ZNF251: variants seen among roughly 807,000 people sequenced by gnomAD.
ZNF251 encodes zinc finger protein 251.
A neutral mutation model predicts 13.5 loss-of-function variants in ZNF251; 14 were observed. That is an observed-to-expected ratio of 1.04 (90% confidence interval 0.69 to 1.63). ZNF251 has a LOEUF of 1.63. ZNF251 is among the 40% of genes most tolerant of loss of function. The pLI is 0.00. For missense variants in ZNF251, 764 were observed against 834.9 expected (o/e 0.92, Z 1.05); for synonymous variants, 287 against 295.2 (o/e 0.97, Z 0.28).
At chr8:144,737,239 AG>A (rs1231566301) in intron 4 of ZNF251, among the ~76,000 whole-genome samples, 5 of 151,566 alleles carry the variant, frequency 3.3e-5, no homozygotes, top group Admixed American at 3.3e-4. Flanking sequence ...CTAGGATTAC[AG>A]GTGCTCACTA....
chr8:144,729,733 C>T (rs1586683917), intron 4 of ZNF251, among the ~76,000 whole-genome samples: 3 of 152,086 alleles, frequency 2.0e-5, no homozygotes, highest in Non-Finnish European at 2.9e-5. Flanking sequence ...TGGTGGCTCG[C>T]GCCTGTGATC....
In ZNF251 at chr8:144,734,195, G is replaced by C. The variant is rs1162587675; in HGVS notation, c.278-10813C>G. On this transcript the variant is annotated intron_variant, in intron 4 of 4. Coordinates refer to ENST00000292562, the MANE Select transcript of ZNF251 (RefSeq NM_138367.2). The surrounding 1 kb of genome is among the most constrained non-coding windows in gnomAD (Gnocchi z 4.4). ...CTTTGTCCCAGCGCTGAGCCGAGCG[G>C]AGCTCCTGGCTGTAAGGACACCTCC... Among the ~76,000 whole-genome samples the C allele has an allele frequency of 6.6e-6, 1 of 152,208 alleles. No homozygotes were observed. The highest frequency in any genetic ancestry group is 2.4e-5 in the African/African-American group (1 of 41,452).
chr8:144,752,445 T>C (rs1230632124), intron 4 of ZNF251, among the ~76,000 whole-genome samples: 1 of 152,114 alleles, frequency 6.6e-6, no homozygotes, highest in East Asian at 1.9e-4. Context: ...AATCATTGGG[T>C]CAAAGAAGAA....
At chr8:144,740,157 T>C (rs1219302496) in intron 4 of ZNF251, among the ~76,000 whole-genome samples, 10 of 150,402 alleles carry the variant, frequency 6.6e-5, no homozygotes, top group African/African-American at 2.4e-4. Context: ...TGGTGGTGCA[T>C]GCCTGTAATC....
Position 144,721,919 on chromosome 8 carries a change from G to T in ZNF251, c.1741C>A (p.Pro581Thr), listed in dbSNP as rs751913241. Residue 581 changes from proline to threonine, a missense_variant, in exon 5 of 5, where the codon CCC becomes ACC. Coordinates refer to ENST00000292562, the MANE Select transcript of ZNF251 (RefSeq NM_138367.2). ...GCATGCATTATCTGATCTTCAGTGG[G>T]TCGTGAGGTGGGACTGAAAGCTTTT... ...YGKAFSPTSR[P>T]TEDQIMHAGE... 3.3e-6 allele frequency: 5 copies of T among 1,513,800 alleles called. No homozygotes were observed. In the Admixed American group the frequency reaches 1.1e-4, roughly 34 times the overall value. 93.8% of individuals were successfully genotyped at this position (1,513,800 alleles called of 1,614,324 possible).
chr8:144,737,635 A>T (rs907258596), intron 4 of ZNF251, among the ~76,000 whole-genome samples: 1 of 152,066 alleles, frequency 6.6e-6, no homozygotes, highest in East Asian at 2.0e-4. Context: ...GATCGAGACC[A>T]TCCTGGCTAA....
intron 4 of ZNF251, among the ~76,000 whole-genome samples, chr8:144,732,335 T>C (rs1823722094): frequency 6.6e-6 from 1 of 152,180 alleles, no homozygotes; most frequent in African/African-American, 2.4e-5. Context: ...GCATGATAAA[T>C]GTTAACACAG....
In ZNF251 at chr8:144,751,998, G is replaced by A. The variant is rs566927034; in HGVS notation, c.277+1685C>T. Among the ~76,000 whole-genome samples, 5 of 152,206 alleles carry A rather than the reference G, an allele frequency of 3.3e-5. No homozygotes were observed. The East Asian group carries it at 9.6e-4, about 29-fold the overall frequency. The stretch of plus-strand genomic sequence containing the variant: ...TTATCTCTCATAATGATAGTCATAA[G>A]TGAAGTAAGTCTTATAATACAGCTT... On this transcript the variant is annotated intron_variant, in intron 4 of 4. Transcript: ENST00000292562.
At chr8:144,732,272 G>C (rs967566426) in intron 4 of ZNF251, among the ~76,000 whole-genome samples, 3 of 152,236 alleles carry the variant, frequency 2.0e-5, no homozygotes, top group Non-Finnish European at 2.9e-5. Flanking sequence ...CAAAAACAAA[G>C]TACATGATGG....
At chr8:144,737,322 T>A (rs990351771) in intron 4 of ZNF251, among the ~76,000 whole-genome samples, 1 of 152,118 alleles carries the variant, frequency 6.6e-6, no homozygotes, top group Non-Finnish European at 1.5e-5. Flanking sequence ...GGTCTTGAAC[T>A]CCTGGTCTCA....
chr8:144,742,978 T>C (rs898870582), intron 4 of ZNF251, among the ~76,000 whole-genome samples: 1 of 152,240 alleles, frequency 6.6e-6, no homozygotes, highest in Non-Finnish European at 1.5e-5. Context: ...GCCAACTGTA[T>C]CATCTTTTCA....
intron 4 of ZNF251, among the ~76,000 whole-genome samples, chr8:144,739,666 A>T (rs1467100312): frequency 6.6e-6 from 1 of 152,150 alleles, no homozygotes; most frequent in Non-Finnish European, 1.5e-5. Flanking sequence ...TGGGAGGCCA[A>T]GGCAGGTAAA....
chr8:144,739,851 C>A (rs532139031), intron 4 of ZNF251, among the ~76,000 whole-genome samples: 1 of 151,396 alleles, frequency 6.6e-6, no homozygotes, highest in African/African-American at 2.4e-5. Context: ...GCCAAGATGG[C>A]ACCACTGCAC....
Position 144,753,628 on chromosome 8 carries a change from T to A in ZNF251, c.277+55A>T, listed in dbSNP as rs957905677. 2.1e-6 allele frequency: 3 copies of A among 1,451,166 alleles called. No individual in the cohort carries two copies. In the African/African-American group the frequency reaches 4.2e-5, roughly 20 times the overall value. 89.9% of individuals were successfully genotyped at this position (1,451,166 alleles called of 1,614,324 possible). On this transcript the variant is annotated intron_variant, in intron 4 of 4. Transcript: ENST00000292562. ...CCCCAGCTGTCCCTCGCTTGGAGCC[T>A]CTTAAGGCAGGATTGGGAGGCTGCT...
chr8:144,754,169 A>G (rs375936028), intron 3 of ZNF251, 23 bp downstream of exon 3: 5 of 1,602,906 alleles, frequency 3.1e-6, no homozygotes, highest in Non-Finnish European at 4.3e-6. Flanking sequence ...ACTGCGAACC[A>G]GGCCAAGTGC....
chr8:144,723,305 C>T lies in ZNF251; in HGVS notation c.355G>A (p.Val119Ile), dbSNP rs749412010. The T allele has an allele frequency of 6.4e-7, 1 of 1,566,014 alleles. No individual in the cohort carries two copies. The highest frequency in any genetic ancestry group is 8.6e-7 in the Non-Finnish European group (1 of 1,158,678). The change falls in exon 5 of 5, where the codon GTA becomes ATA. Residue 119 changes from valine to isoleucine, a missense_variant. Coordinates refer to ENST00000292562, the MANE Select transcript of ZNF251 (RefSeq NM_138367.2). The part of the protein sequence containing the change: ...FSEEVKTPEF[V>I]SRRLLRDNAQ... ...TTATCCCTTAAGAGTCTTCTTGATA[C>T]AAATTCTGGGGTTTTTACTTCTTCG...
In ZNF251 at chr8:144,755,414, C is replaced by T. The variant is rs1358522910; in HGVS notation, c.-85G>A. On this transcript the variant is annotated 5_prime_UTR_variant, in exon 1 of 5. Coordinates refer to ENST00000292562, the MANE Select transcript of ZNF251 (RefSeq NM_138367.2). ...TCCGACACTGCCCCACCTGTTTGCT[C>T]GACCCGGGGAAGCCACCGAGGAAGC... 18 of 1,288,266 alleles carry T rather than the reference C, an allele frequency of 1.4e-5. No homozygotes were observed. Among genetic ancestry groups the T allele is most frequent in the Non-Finnish European group, 1.7e-5 (17 of 988,794 alleles). The allele number at this position is 1,288,266 out of a possible 1,614,324, so 79.8% of individuals were successfully genotyped here.
At chr8:144,735,712 T>C (rs1217910498) in intron 4 of ZNF251, among the ~76,000 whole-genome samples, 1 of 152,144 alleles carries the variant, frequency 6.6e-6, no homozygotes, top group African/African-American at 2.4e-5. Context: ...CAGCCAGAGC[T>C]CACTGTAGAG....
At position 144,745,687 on chromosome 8, in the gene ZNF251, T is replaced by C. The variant is rs147077086; in HGVS notation, c.277+7996A>G. ...TCAGCCTCCCAAATAGCTGGGAATA[T>C]AGGCACATGCCACCAGGCCTAGCTA... On this transcript the variant is annotated intron_variant, in intron 4 of 4. Transcript: ENST00000292562. Among the ~76,000 whole-genome samples, 475 of 152,172 alleles carry C rather than the reference T, an allele frequency of 3.1e-3. 3 individuals carry two copies. Among genetic ancestry groups the C allele is most frequent in the African/African-American group, 0.011 (440 of 41,532 alleles).
Sources: gnomAD v4.1 joint callset for allele counts (sites outside exome capture counted in the v4.1 genomes callset) on GRCh38, gnomAD v4.1.1 for gene constraint, Gnocchi (gnomAD v3.1) non-coding constraint, MANE v1.5 for transcripts, NCBI Gene and HGNC (gene_info 2026-07-23, HGNC 2026-07-21) for gene names.